Variants in SERAC1 observed in about 807,000 individuals in gnomAD.
SERAC1 encodes the protein protein SERAC1.
Under a neutral mutation model 85.7 loss-of-function variants are expected in SERAC1, and 36 were observed. The observed-to-expected ratio is 0.42, with a 90% CI of 0.32 to 0.55. SERAC1 has a LOEUF of 0.55. SERAC1 is among the 20% of genes least tolerant of loss of function. SERAC1 has a pLI of 0.11. For missense variants in SERAC1, 629 were observed against 796.2 expected, an observed-to-expected ratio of 0.79 and a Z score of 2.53; for synonymous variants, 242 against 265.3, an observed-to-expected ratio of 0.91 and a Z score of 0.85.
At chr6:158,167,338 G>A (rs1013177787) in intron 1 of SERAC1, among the ~76,000 whole-genome samples, 6 of 150,340 alleles carry the variant, frequency 4.0e-5, no homozygotes, top group African/African-American at 1.5e-4. Flanking sequence ...AGGAATTCCA[G>A]ACCAGCCTGG....
intron 2 of SERAC1, among the ~76,000 whole-genome samples, chr6:158,155,838 G>A (rs1055806277): frequency 1.3e-5 from 2 of 152,154 alleles, no homozygotes; most frequent in Admixed American, 6.5e-5. Flanking sequence ...ACATACGTAC[G>A]TAGCCCCATT....
chr6:158,149,952 G>T (rs1047022986), intron 4 of SERAC1, among the ~76,000 whole-genome samples: 2 of 152,120 alleles, frequency 1.3e-5, no homozygotes, highest in Admixed American at 1.3e-4. Flanking sequence ...CGCTAATGAG[G>T]GCTTCCATGT....
rs2128412225 is a variant in SERAC1, at chr6:158,119,780, T to G, written c.1167-610A>C. ...TTAACCAGGTAATCCACTTTTTAAT[T>G]TAAAAGTTTTTGCTATTTTCTGAGG... On this transcript the variant is annotated intron_variant, in intron 11 of 16. Coordinates refer to ENST00000647468, the MANE Select transcript of SERAC1 (RefSeq NM_032861.4). This position sits in a 1 kb window ranked among gnomAD's most constrained non-coding sequence, Gnocchi z 4.5. 1.3e-5 allele frequency among the ~76,000 whole-genome samples: 2 copies of G among 152,320 alleles called. No homozygotes were observed. Among genetic ancestry groups the G allele is most frequent in the South Asian group, 4.1e-4 (2 of 4,832 alleles).
rs201778039 is a variant in SERAC1 at position 158,151,579 on chromosome 6, G to A, written c.129-990C>T. On this transcript the variant is annotated intron_variant, in intron 3 of 16. Coordinates refer to ENST00000647468, the MANE Select transcript of SERAC1 (RefSeq NM_032861.4). The stretch of plus-strand genomic sequence containing the variant: ...TGGGACTACAGGCGCCTGCCACCAC[G>A]CCCGGGTAATTTTGTTTTTGTATTT... 2.0e-4 allele frequency among the ~76,000 whole-genome samples: 31 copies of A among 151,812 alleles called. No homozygotes were observed. In the East Asian group the frequency reaches 5.7e-3, roughly 28 times the overall value.
Position 158,120,454 on chromosome 6 carries a change from T to TA in SERAC1, c.1136dup (p.Tyr380IlefsTer14). The TA allele has an allele frequency of 6.2e-7, 1 of 1,614,014 alleles. No homozygotes were observed. The highest frequency in any genetic ancestry group is 8.5e-7 in the Non-Finnish European group (1 of 1,179,944). On this transcript the variant is annotated frameshift_variant, in exon 11 of 17. Coordinates refer to ENST00000647468, the MANE Select transcript of SERAC1 (RefSeq NM_032861.4). LOFTEE classifies it high-confidence loss of function. This position sits in a 1 kb window ranked among gnomAD's most constrained non-coding sequence, Gnocchi z 4.4. ...TTCGATATTGGGGATGCAGCACATA[T>TA]ACGCCATCCTGATATTTTTCTTGCA...
chr6:158,151,958 C>A (rs528048560), intron 3 of SERAC1, among the ~76,000 whole-genome samples: 25 of 152,284 alleles, frequency 1.6e-4, no homozygotes, highest in African/African-American at 6.0e-4. Context: ...AACCACGTTG[C>A]CCAGGCTGGC....
At chr6:158,158,503 AT>A in intron 1 of SERAC1, 139 bp from the exon 2 acceptor site, 1 of 546,806 alleles carries the variant, frequency 1.8e-6, no homozygotes, top group Non-Finnish European at 3.1e-6. Context: ...AAACTTTCCA[AT>A]TAAAAAAAAA....
intron 12 of SERAC1, among the ~76,000 whole-genome samples, chr6:158,118,179 G>A (rs559045377): frequency 6.6e-6 from 1 of 152,122 alleles, no homozygotes; most frequent in Non-Finnish European, 1.5e-5. Flanking sequence ...ACAGATTTTG[G>A]ATCTGAGAAT....
intron 1 of SERAC1, among the ~76,000 whole-genome samples, chr6:158,167,495 G>T (rs1342108839): frequency 7.4e-6 from 1 of 135,246 alleles, no homozygotes; most frequent in Non-Finnish European, 1.5e-5. Flanking sequence ...CCCAGATCGC[G>T]CCACTGCACT....
intron 3 of SERAC1, among the ~76,000 whole-genome samples, chr6:158,153,882 G>A (rs892801183): frequency 7.9e-5 from 12 of 152,060 alleles, no homozygotes; most frequent in East Asian, 7.7e-4. Flanking sequence ...TGTAATCCCA[G>A]CACTTTGGAA....
In SERAC1 at chr6:158,109,879, TAGAA is replaced by T. The variant is rs1460389956; in HGVS notation, c.*1483_*1486del. 6.6e-5 allele frequency: 10 copies of T among 152,132 alleles called. No homozygotes were observed. The highest frequency in any genetic ancestry group is 1.0e-4 in the Non-Finnish European group (7 of 68,024). The allele number at this position is 152,132 out of a possible 1,614,324, so 9.4% of individuals were successfully genotyped here. Reference sequence around the variant, plus strand: ...TGAATGAACCTTGAAAACATGCTAATAGAAGGAAGAAGGCAGAGAGGGCCACATA... The same window carrying T: ...TGAATGAACCTTGAAAACATGCTAATGGAAGAAGGCAGAGAGGGCCACATA... On this transcript the variant is annotated 3_prime_UTR_variant, in exon 17 of 17. Transcript: ENST00000647468.
At chr6:158,114,345 A>G (rs1452619481) in intron 15 of SERAC1, 1 of 300,834 alleles carries the variant, frequency 3.3e-6, no homozygotes, top group African/African-American at 2.3e-5. Context: ...GGCTCGAGCC[A>G]GGGAATCCAA....
At chr6:158,158,226 T>C in intron 2 of SERAC1, 47 bp downstream of exon 2, 1 of 1,412,804 alleles carries the variant, frequency 7.1e-7, no homozygotes, top group Non-Finnish European at 9.9e-7. Context: ...GCCACAATTC[T>C]ATCACTGTTC....
intron 12 of SERAC1, 131 bp downstream of exon 12, chr6:158,118,898 A>G (rs1309033949): frequency 5.5e-6 from 6 of 1,095,904 alleles, no homozygotes; most frequent in Admixed American, 5.5e-5. Flanking sequence ...ACATACTACA[A>G]ATCTCCCTAA....
intron 8 of SERAC1, among the ~76,000 whole-genome samples, chr6:158,135,758 T>G (rs1280019663): frequency 6.6e-6 from 1 of 152,006 alleles, no homozygotes; most frequent in East Asian, 1.9e-4. Context: ...TGCAGAGAGA[T>G]GGAAAGTAAA....
chr6:158,120,563 A>C lies in SERAC1; in HGVS notation c.1028T>G (p.Ile343Ser). 6.2e-7 allele frequency: 1 copy of C among 1,613,854 alleles called. No homozygotes were observed. The highest frequency in any genetic ancestry group is 8.5e-7 in the Non-Finnish European group (1 of 1,179,896). ...SSIVRSGWVSIMAEAMKSPHI... is the reference protein window; with the variant it reads ...SSIVRSGWVSSMAEAMKSPHI... Reference sequence around the variant, plus strand: ...GGGAGATTTCATTGCTTCTGCCATGATGGAAACCCAGCCTGGTGAAAAGTA... The same window carrying C: ...GGGAGATTTCATTGCTTCTGCCATGCTGGAAACCCAGCCTGGTGAAAAGTA... Residue 343 changes from isoleucine (I) to serine (S), a missense_variant, in exon 11 of 17, where the codon ATC becomes AGC. Ile to Ser is a moderately radical substitution (Grantham distance 142). Transcript: ENST00000647468. The surrounding 1 kb of genome is among the most constrained non-coding windows in gnomAD (Gnocchi z 4.4).
chr6:158,111,186 C>T lies in SERAC1; in HGVS notation c.*180G>A, dbSNP rs1417395423. ...GCCCTTCCTTCTGTGCCTGCCACTTCCGGGTTGGTGCTTTACAGCGCTTGA... is the reference window on the plus strand; with the variant it reads ...GCCCTTCCTTCTGTGCCTGCCACTTTCGGGTTGGTGCTTTACAGCGCTTGA... On this transcript the variant is annotated 3_prime_UTR_variant, in exon 17 of 17. Coordinates refer to ENST00000647468, the MANE Select transcript of SERAC1 (RefSeq NM_032861.4). The T allele has an allele frequency of 2.0e-6, 1 of 488,028 alleles. No homozygotes were observed. The highest frequency in any genetic ancestry group is 3.4e-6 in the Non-Finnish European group (1 of 292,700). The allele number at this position is 488,028 out of a possible 1,614,324, so 30.2% of individuals were successfully genotyped here. A position where few individuals can be genotyped will look rare whatever the true frequency, so the allele number is the denominator to read the frequency against.
At chr6:158,149,832 G>A (rs1785162111) in intron 4 of SERAC1, among the ~76,000 whole-genome samples, 1 of 152,192 alleles carries the variant, frequency 6.6e-6, no homozygotes, top group South Asian at 2.1e-4. Flanking sequence ...AGCTAACAGT[G>A]TATGAACAGG....
rs1784374832 is a variant in SERAC1, at chr6:158,119,654, T to C, written c.1167-484A>G. Reference sequence around the variant, plus strand: ...ACATTCACTCATTGCATATGACGCATTAAAAACTGTAGATAGTATGTTAGT... The same window carrying C: ...ACATTCACTCATTGCATATGACGCACTAAAAACTGTAGATAGTATGTTAGT... On this transcript the variant is annotated intron_variant, in intron 11 of 16. Transcript: ENST00000647468. This position sits in a 1 kb window ranked among gnomAD's most constrained non-coding sequence, Gnocchi z 4.5. Among the ~76,000 whole-genome samples the C allele has an allele frequency of 6.6e-6, 1 of 151,912 alleles. No homozygotes were observed.
Sources: allele counts gnomAD v4.1 joint callset (sites outside exome capture counted in the v4.1 genomes callset), GRCh38; gene constraint gnomAD v4.1.1; non-coding constraint Gnocchi (gnomAD v3.1); transcripts MANE v1.5; gene names NCBI Gene and HGNC (gene_info 2026-07-23, HGNC 2026-07-21).